PDLIM3: variants seen among roughly 807,000 people sequenced by gnomAD.
PDLIM3 encodes the protein PDZ and LIM domain protein 3.
A neutral mutation model predicts 37.3 loss-of-function variants in PDLIM3; 36 were observed. That is an observed-to-expected ratio of 0.97 (90% CI 0.74 to 1.28). PDLIM3 has a LOEUF of 1.28. Ranked by LOEUF, PDLIM3 falls within the 50% of genes most tolerant of loss-of-function variation. The probability of loss-of-function intolerance (pLI) is 0.00; values close to 1 mark genes in which losing one functional copy is unlikely to be tolerated. For missense variants in PDLIM3, 454 were observed against 485.0 expected (o/e 0.94, Z 0.60); for synonymous variants, 174 against 182.4 (o/e 0.95, Z 0.37).
intron 1 of PDLIM3, among the ~76,000 whole-genome samples, chr4:185,534,720 G>A (rs565969067): frequency 5.9e-5 from 9 of 152,228 alleles, no homozygotes; most frequent in Non-Finnish European, 1.0e-4. Flanking sequence ...TAATTCCTAA[G>A]CCAAGTTCTC....
At chr4:185,506,904 G>A in intron 5 of PDLIM3, 2 of 439,268 alleles carry the variant, frequency 4.6e-6, no homozygotes, top group Non-Finnish European at 8.4e-6. Context: ...TACTTTGGAA[G>A]GAAACTAAAA....
chr4:185,535,277 C>T, intron 1 of PDLIM3, 65 bp downstream of exon 1: 1 of 1,425,804 alleles, frequency 7.0e-7, no homozygotes, highest in Non-Finnish European at 9.7e-7. Flanking sequence ...GGGGCATCCA[C>T]TGCGTCCCCC....
chr4:185,503,585 C>T (rs964443441), intron 7 of PDLIM3, among the ~76,000 whole-genome samples: 9 of 152,188 alleles, frequency 5.9e-5, no homozygotes, highest in South Asian at 2.1e-4. Flanking sequence ...CCACATGGCA[C>T]GAATGCCATG....
chr4:185,504,678 A>G lies in PDLIM3; in HGVS notation c.794-92T>C. On this transcript the variant is annotated intron_variant, in intron 6 of 7. Transcript: ENST00000284767. This position sits in a 1 kb window ranked among gnomAD's most constrained non-coding sequence, Gnocchi z 4.7. ...TTTTAAAGTGTGCACTTTAACCTGA[A>G]GTTGCATCTGCACCGTCATTCCGAG... 1 of 965,758 alleles carries G rather than the reference A, an allele frequency of 1.0e-6. No individual in the cohort carries two copies. Among genetic ancestry groups the G allele is most frequent in the Non-Finnish European group, 1.6e-6 (1 of 616,060 alleles). 59.8% of individuals were successfully genotyped at this position (965,758 alleles called of 1,614,324 possible). A position where few individuals can be genotyped will look rare whatever the true frequency, so the allele number is the denominator to read the frequency against.
At chr4:185,506,487 T>A (rs2095697498) in intron 6 of PDLIM3, 35 bp downstream of exon 6, 2 of 1,612,610 alleles carry the variant, frequency 1.2e-6, no homozygotes, top group Non-Finnish European at 1.7e-6. Flanking sequence ...GTGGCCTCTA[T>A]CAATACGTTT....
intron 6 of PDLIM3, among the ~76,000 whole-genome samples, chr4:185,505,882 TTG>T (rs1239539544): frequency 1.3e-5 from 2 of 152,182 alleles, no homozygotes; most frequent in Non-Finnish European, 2.9e-5. Context: ...TTTTGCATTT[TTG>T]TGTGGCTTTT....
At chr4:185,532,682 A>C (rs1341929395) in intron 1 of PDLIM3, among the ~76,000 whole-genome samples, 1 of 152,234 alleles carries the variant, frequency 6.6e-6, no homozygotes, top group Non-Finnish European at 1.5e-5. Context: ...GATGGTGAAA[A>C]GTCATGAATG....
At chr4:185,519,638 A>G (rs1215609977) in intron 3 of PDLIM3, among the ~76,000 whole-genome samples, 1 of 152,168 alleles carries the variant, frequency 6.6e-6, no homozygotes, top group Non-Finnish European at 1.5e-5. Flanking sequence ...TCCTATAACC[A>G]TATAAGAAAA....
At chr4:185,527,236 T>C (rs1400525926) in intron 1 of PDLIM3, among the ~76,000 whole-genome samples, 1 of 152,242 alleles carries the variant, frequency 6.6e-6, no homozygotes, top group Non-Finnish European at 1.5e-5. Flanking sequence ...CAATACATAC[T>C]ACTATCAAAT....
chr4:185,530,862 G>C (rs571199569), intron 1 of PDLIM3, among the ~76,000 whole-genome samples: 1 of 152,102 alleles, frequency 6.6e-6, no homozygotes, highest in South Asian at 2.1e-4. Context: ...GTATTGCAGT[G>C]CTTGGGTTCA....
chr4:185,533,640 G>T (rs1258297175), intron 1 of PDLIM3, among the ~76,000 whole-genome samples: 2 of 152,128 alleles, frequency 1.3e-5, no homozygotes, highest in Non-Finnish European at 2.9e-5. Context: ...ATTCCAGATA[G>T]AATTGGTTTC....
At position 185,504,468 on chromosome 4, in the gene PDLIM3, AACTT is replaced by A. The variant is rs2095693124; in HGVS notation, c.905+3_905+6del. On this transcript the variant is annotated splice_donor_5th_base_variant and intron_variant, in intron 7 of 7. Transcript: ENST00000284767. The surrounding 1 kb of genome is among the most constrained non-coding windows in gnomAD (Gnocchi z 4.7). ...TCGTAAATTCCAGGGTTAAAAGTGA[AACTT>A]ACACTATGCCACTCCCACATTTGTC... The A allele has an allele frequency of 6.2e-7, 1 of 1,602,684 alleles. No individual in the cohort carries two copies. The highest frequency in any genetic ancestry group is 1.1e-5 in the South Asian group (1 of 90,860).
At chr4:185,519,974 G>A (rs2095720857) in intron 3 of PDLIM3, among the ~76,000 whole-genome samples, 2 of 152,130 alleles carry the variant, frequency 1.3e-5, no homozygotes. Context: ...TATTTGCAGA[G>A]TTGTCATTTT....
At position 185,508,460 on chromosome 4, in the gene PDLIM3, C is replaced by T. The variant is rs142771915; in HGVS notation, c.501G>A (p.Ala167=). The T allele has an allele frequency of 3.5e-5, 57 of 1,614,028 alleles. No homozygotes were observed. Among genetic ancestry groups the T allele is most frequent in the Non-Finnish European group, 4.2e-5 (50 of 1,180,032 alleles). The stretch of plus-strand genomic sequence containing the variant: ...AAGGAATGTTAGGGGCCAGCTTAGC[C>T]GCAACTTTCAAGTCACCTGGGCAAA... ...STICPGDLKV[A]AKLAPNIPLE... Residue 167 remains alanine (A), a synonymous_variant, in exon 5 of 8, where the codon GCG becomes GCA. Transcript: ENST00000284767.
In PDLIM3 at chr4:185,514,521, C is replaced by A. The variant is rs2095711718; in HGVS notation, c.331-184G>T. 1 of 1,352,206 alleles carries A rather than the reference C, an allele frequency of 7.4e-7. No homozygotes were observed. Among genetic ancestry groups the A allele is most frequent in the Non-Finnish European group, 1.0e-6 (1 of 977,198 alleles). The allele number at this position is 1,352,206 out of a possible 1,614,324, so 83.8% of individuals were successfully genotyped here. ...ACCATCTATCCGCTAAACGGTCAGG[C>A]ACTGGCGGATTGGACCCCACAACAA... On this transcript the variant is annotated intron_variant, in intron 3 of 7. Coordinates refer to ENST00000284767, the MANE Select transcript of PDLIM3 (RefSeq NM_014476.6). The surrounding 1 kb of genome is among the most constrained non-coding windows in gnomAD (Gnocchi z 4.0).
At chr4:185,527,051 G>A (rs1161816316) in intron 1 of PDLIM3, among the ~76,000 whole-genome samples, 1 of 152,136 alleles carries the variant, frequency 6.6e-6, no homozygotes, top group Non-Finnish European at 1.5e-5. Flanking sequence ...ACAATATGAT[G>A]TATATTTTTA....
intron 4 of PDLIM3, among the ~76,000 whole-genome samples, chr4:185,510,530 C>T (rs2095704839): frequency 6.6e-6 from 1 of 152,134 alleles, no homozygotes. Context: ...TAGACTACTA[C>T]CTATGTGTAT....
chr4:185,529,515 C>T (rs116301365), intron 1 of PDLIM3, among the ~76,000 whole-genome samples: 129 of 152,320 alleles, frequency 8.5e-4, no homozygotes, highest in African/African-American at 2.5e-3. Flanking sequence ...TGAGAAACCC[C>T]ATTGTTCATT....
At position 185,506,574 on chromosome 4, in the gene PDLIM3, A is replaced by C; in HGVS notation, c.741T>G (p.Pro247=). Residue 247 remains proline (P), a synonymous_variant, in exon 6 of 8, where the codon CCT becomes CCG. Coordinates refer to ENST00000284767, the MANE Select transcript of PDLIM3 (RefSeq NM_014476.6). ...LHDNRNEPTQ[P]RQSGSFRVLQ... is the part of the protein sequence containing the mutation. ...GCACTCTGAAGGAGCCCGACTGGCG[A>C]GGCTGTGTGGGCTCATTCCGATTGT... The C allele has an allele frequency of 6.2e-7, 1 of 1,613,288 alleles. No homozygotes were observed.
Sources: gnomAD v4.1 joint callset for allele counts (sites outside exome capture counted in the v4.1 genomes callset) on GRCh38, gnomAD v4.1.1 for gene constraint, Gnocchi (gnomAD v3.1) non-coding constraint, MANE v1.5 for transcripts, NCBI Gene and HGNC (gene_info 2026-07-23, HGNC 2026-07-21) for gene names.